MS4A8: variants seen among roughly 807,000 people sequenced by gnomAD.
MS4A8 encodes the protein membrane-spanning 4-domains subfamily A member 8.
A neutral mutation model predicts 23.7 loss-of-function variants in MS4A8; 27 were observed. The ratio of observed to expected loss-of-function variants is 1.14; its 90% CI spans 0.84 to 1.57. The LOEUF (loss-of-function observed/expected upper bound fraction) is 1.57. Among genes scored for constraint, MS4A8 ranks in the 40% most tolerant of loss-of-function variants. MS4A8 has a pLI of 0.00. For missense variants in MS4A8, 301 were observed against 311.4 expected (o/e 0.97, Z 0.25); for synonymous variants, 138 against 126.3 (o/e 1.09, Z -0.62).
chr11:60,704,051 C>G (rs2088230591), intron 3 of MS4A8, among the ~76,000 whole-genome samples: 1 of 151,930 alleles, frequency 6.6e-6, no homozygotes, highest in Non-Finnish European at 1.5e-5. Flanking sequence ...CACAATTCAG[C>G]CCATAATATC....
At position 60,708,728 on chromosome 11, in the gene MS4A8, A is replaced by G; in HGVS notation, c.481A>G (p.Ser161Gly). 1 of 1,613,024 alleles carries G rather than the reference A, an allele frequency of 6.2e-7. No homozygotes were observed. Reference protein sequence around the residue: ...VGVILFITDLSIPHPYAYPDY... With the variant: ...VGVILFITDLGIPHPYAYPDY... ...AGTCATACTCTTCATCACAGATCTA[A>G]GTATTCCCCACCCATATGCCTACCC... The change falls in exon 5 of 7, where the codon AGT becomes GGT. Residue 161 changes from serine to glycine, a missense_variant. Transcript: ENST00000300226.
chr11:60,701,139 A>T (rs1279610377), intron 2 of MS4A8, 60 bp downstream of exon 2: 8 of 1,507,760 alleles, frequency 5.3e-6, no homozygotes, highest in Middle Eastern at 1.7e-4. Context: ...GGCAGGGGGA[A>T]GGGAAGGCCT....
At chr11:60,711,872 C>G in intron 5 of MS4A8, 1 of 456,108 alleles carries the variant, frequency 2.2e-6, no homozygotes. Context: ...CGCCCCATGC[C>G]CACCACCCAT....
intron 5 of MS4A8, among the ~76,000 whole-genome samples, chr11:60,712,876 T>C (rs532066048): frequency 6.6e-6 from 1 of 152,260 alleles, no homozygotes; most frequent in Admixed American, 6.5e-5. Flanking sequence ...TATGAAATGT[T>C]CTCATGTCAC....
At chr11:60,701,681 C>T (rs1565050676) in intron 2 of MS4A8, among the ~76,000 whole-genome samples, 1 of 152,154 alleles carries the variant, frequency 6.6e-6, no homozygotes, top group Non-Finnish European at 1.5e-5. Flanking sequence ...TTTGTATCTG[C>T]CAAATTTACA....
chr11:60,705,017 T>C (rs949738465), intron 3 of MS4A8, among the ~76,000 whole-genome samples: 6 of 152,098 alleles, frequency 3.9e-5, no homozygotes, highest in African/African-American at 1.4e-4. Context: ...TCCTCATAAA[T>C]GGCACAACTC....
chr11:60,703,315 G>T, intron 2 of MS4A8, 63 bp from the exon 3 acceptor site: 4 of 1,449,462 alleles, frequency 2.8e-6, no homozygotes, highest in Non-Finnish European at 3.6e-6. Context: ...TTAAAAGGAG[G>T]CTCATAGGGG....
In MS4A8 at chr11:60,715,141, C is replaced by A; in HGVS notation, c.648+7C>A. On this transcript the variant is annotated splice_region_variant and intron_variant, in intron 6 of 6. Transcript: ENST00000300226. ...CTGCTGTCAATCAAGCAATGTGAGT[C>A]CCAGGGTTCCTCAGTGGGTGGAAAG... is the stretch of plus-strand genomic sequence containing the variant. 1.2e-6 allele frequency: 2 copies of A among 1,604,920 alleles called. No homozygotes were observed. Among genetic ancestry groups the A allele is most frequent in the South Asian group, 1.1e-5 (1 of 90,948 alleles).
In MS4A8 at chr11:60,715,483, A is replaced by C; in HGVS notation, c.*69A>C. On this transcript the variant is annotated 3_prime_UTR_variant, in exon 7 of 7. Transcript: ENST00000300226. ...TCCTCCTCCCTTTCTGGGCTTCCAT[A>C]ACCCAGGTCGTTCCTGTTCTGACAG... The C allele has an allele frequency of 7.9e-7, 1 of 1,273,564 alleles. No homozygotes were observed. Among genetic ancestry groups the C allele is most frequent in the Non-Finnish European group, 1.1e-6 (1 of 890,328 alleles). The allele number at this position is 1,273,564 out of a possible 1,614,324, so 78.9% of individuals were successfully genotyped here.
intron 2 of MS4A8, among the ~76,000 whole-genome samples, chr11:60,702,069 A>G (rs1450092602): frequency 6.6e-6 from 1 of 152,252 alleles, no homozygotes; most frequent in East Asian, 1.9e-4. Flanking sequence ...CGTGTGTAAT[A>G]TACAAACATA....
At chr11:60,701,297 G>C (rs906444827) in intron 2 of MS4A8, 1 of 672,000 alleles carries the variant, frequency 1.5e-6, no homozygotes, top group Admixed American at 2.0e-5. Context: ...TTTTCGGAAA[G>C]AGAAAGAAAA....
At position 60,715,044 on chromosome 11, in the gene MS4A8, C is replaced by T. The variant is rs768458327; in HGVS notation, c.558C>T (p.Gly186=). The part of the protein sequence containing the change: ...WGVNPGMAIS[G]VLLVFCLLEF... ...AGAACCCTGGAATGGCGATTTCTGG[C>T]GTGCTGCTGGTCTTCTGCCTCCTGG... The change falls in exon 6 of 7, where the codon GGC becomes GGT. Residue 186 remains glycine (G), a synonymous_variant. Coordinates refer to ENST00000300226, the MANE Select transcript of MS4A8 (RefSeq NM_031457.2). 52 of 1,613,916 alleles carry T rather than the reference C, an allele frequency of 3.2e-5. No homozygotes were observed. Among genetic ancestry groups the T allele is most frequent in the Admixed American group, 5.0e-5 (3 of 59,990 alleles).
Position 60,715,154 on chromosome 11 carries a change from A to C in MS4A8, c.648+20A>C, listed in dbSNP as rs771882121. On this transcript the variant is annotated intron_variant, in intron 6 of 6. Transcript: ENST00000300226. ...AGCAATGTGAGTCCCAGGGTTCCTC[A>C]GTGGGTGGAAAGATGCCCCCAAAAA... 6.3e-7 allele frequency: 1 copy of C among 1,585,790 alleles called. No homozygotes were observed. The highest frequency in any genetic ancestry group is 1.3e-5 in the African/African-American group (1 of 74,308).
intron 2 of MS4A8, among the ~76,000 whole-genome samples, chr11:60,702,445 C>T (rs2088213271): frequency 6.6e-6 from 1 of 152,200 alleles, no homozygotes; most frequent in Admixed American, 6.5e-5. Flanking sequence ...CTCTGTCACC[C>T]AGGCTGGAGC....
intron 3 of MS4A8, among the ~76,000 whole-genome samples, chr11:60,704,876 A>C (rs2088241910): frequency 6.9e-6 from 1 of 145,274 alleles, no homozygotes; most frequent in Non-Finnish European, 1.5e-5. Context: ...ATACACACAC[A>C]CACACATACA....
chr11:60,707,164 C>T lies in MS4A8; in HGVS notation c.402+117C>T, dbSNP rs1374804856. The T allele has an allele frequency of 3.2e-6, 3 of 952,340 alleles. No homozygotes were observed. The East Asian group carries it at 7.2e-5, about 23-fold the overall frequency. The allele number at this position is 952,340 out of a possible 1,614,324, so 59.0% of individuals were successfully genotyped here. ...CAGCCTTGCACCTACTATAACCAGA[C>T]ACACGGTGCTCACACACATTCCCGC... On this transcript the variant is annotated intron_variant, in intron 4 of 6. Transcript: ENST00000300226.
At chr11:60,711,785 G>C (rs1485564352) in intron 5 of MS4A8, 3 of 455,864 alleles carry the variant, frequency 6.6e-6, no homozygotes, top group African/African-American at 6.0e-5. Context: ...CTGGAGTAGA[G>C]GGAGCAGCAA....
intron 3 of MS4A8, among the ~76,000 whole-genome samples, chr11:60,705,302 A>G (rs958852190): frequency 2.6e-5 from 4 of 152,164 alleles, no homozygotes; most frequent in African/African-American, 9.7e-5. Flanking sequence ...TGAGCACACA[A>G]TGCCTACCAC....
At chr11:60,712,571 A>C in intron 5 of MS4A8, 6 of 862,898 alleles carry the variant, frequency 7.0e-6, no homozygotes, top group Non-Finnish European at 8.3e-6. Context: ...AGGCAGGTGG[A>C]TCACTTGAGC....
Sources: gnomAD v4.1 joint callset for allele counts (sites outside exome capture counted in the v4.1 genomes callset) on GRCh38, gnomAD v4.1.1 for gene constraint, MANE v1.5 for transcripts, NCBI Gene and HGNC (gene_info 2026-07-23, HGNC 2026-07-21) for gene names.